KLF17: variants seen among roughly 807,000 people sequenced by gnomAD.
The protein encoded by KLF17 is Krueppel-like factor 17.
A neutral mutation model predicts 34.2 loss-of-function variants in KLF17; 31 were observed. The ratio of observed to expected loss-of-function variants is 0.91; its 90% CI spans 0.68 to 1.22. KLF17 has a LOEUF of 1.22. Among genes scored for constraint, KLF17 ranks in the 50% most tolerant of loss-of-function variants. The pLI is 0.00. For synonymous variants in KLF17, 179 were observed against 186.7 expected, an observed-to-expected ratio of 0.96 and a Z score of 0.34; for missense variants, 478 against 505.2, an observed-to-expected ratio of 0.95 and a Z score of 0.52.
the KLF17 span, among the ~76,000 whole-genome samples, chr1:44,080,871 T>C: frequency 6.6e-6 from 1 of 151,610 alleles, no homozygotes; most frequent in African/African-American, 2.4e-5. Flanking sequence ...TGTGCCACCA[T>C]GCGTGGCTAA....
At chr1:44,079,926 CT>C in the KLF17 span, among the ~76,000 whole-genome samples, 164 of 144,512 alleles carry the variant, frequency 1.1e-3, 1 homozygote, top group Middle Eastern at 3.6e-3. Context: ...CCCTCCATGT[CT>C]TTTTTTTTTT....
chr1:44,132,606 A>G (rs2088124779), intron 3 of KLF17, among the ~76,000 whole-genome samples: 1 of 152,142 alleles, frequency 6.6e-6, no homozygotes, highest in Non-Finnish European at 1.5e-5. Flanking sequence ...CACCTCTCCA[A>G]ATAAAACACC....
chr1:44,089,130 G>A, the KLF17 span, among the ~76,000 whole-genome samples: 3 of 152,118 alleles, frequency 2.0e-5, no homozygotes, highest in Admixed American at 1.3e-4. Context: ...AGGGCAATAA[G>A]GCAGGGGTAC....
chr1:44,106,393 A>T, the KLF17 span: 1 of 152,346 alleles, frequency 6.6e-6, no homozygotes, highest in African/African-American at 2.4e-5. Flanking sequence ...CTCCAGGTGA[A>T]TCCCAACTCC....
At chr1:44,045,964 T>C in the KLF17 span, 1 of 152,062 alleles carries the variant, frequency 6.6e-6, no homozygotes, top group South Asian at 2.1e-4. Flanking sequence ...ATCTGTGCCC[T>C]CCAGACCCTC....
At chr1:44,124,983 C>T (rs1288747563) in intron 1 of KLF17, among the ~76,000 whole-genome samples, 1 of 152,172 alleles carries the variant, frequency 6.6e-6, no homozygotes, top group Non-Finnish European at 1.5e-5. Flanking sequence ...CATTTTTATG[C>T]ATCGTATGTC....
chr1:44,127,206 G>A (rs1034145629), intron 1 of KLF17, among the ~76,000 whole-genome samples: 17 of 152,018 alleles, frequency 1.1e-4, no homozygotes, highest in African/African-American at 4.1e-4. Flanking sequence ...ACTGTGCCTA[G>A]CAATACTAAC....
chr1:44,091,967 T>A, the KLF17 span, among the ~76,000 whole-genome samples: 17,209 of 114,464 alleles, frequency 0.15, 1,622 homozygotes, highest in South Asian at 0.28. Flanking sequence ...ACACACTCTC[T>A]CTCTCTCTCT....
the KLF17 span, among the ~76,000 whole-genome samples, chr1:44,099,910 A>C: frequency 7.7e-5 from 5 of 64,966 alleles, no homozygotes; most frequent in African/African-American, 2.6e-4. Flanking sequence ...AGAAAGAAAG[A>C]AAGAAAGAAA....
chr1:44,125,876 G>A (rs2088001371), intron 1 of KLF17, among the ~76,000 whole-genome samples: 1 of 152,156 alleles, frequency 6.6e-6, no homozygotes, highest in South Asian at 2.1e-4. Context: ...TCTCTTCAGT[G>A]GGAAGGGGAG....
chr1:44,104,077 G>T, the KLF17 span: 21 of 913,490 alleles, frequency 2.3e-5, no homozygotes, highest in Non-Finnish European at 3.7e-5. Context: ...TGCAGCTCCC[G>T]GATCTTCTCT....
At chr1:44,080,339 C>A in the KLF17 span, among the ~76,000 whole-genome samples, 1 of 149,738 alleles carries the variant, frequency 6.7e-6, no homozygotes, top group Non-Finnish European at 1.5e-5. Flanking sequence ...CCCGGGTTCA[C>A]ACCGTTCTCC....
At chr1:44,127,378 C>T (rs1307098220) in intron 1 of KLF17, among the ~76,000 whole-genome samples, 1 of 152,078 alleles carries the variant, frequency 6.6e-6, no homozygotes, top group East Asian at 1.9e-4. Flanking sequence ...TTATCTTTCC[C>T]CATTCCCTAC....
Position 44,130,037 on chromosome 1 carries a change from G to A in KLF17, c.766G>A (p.Gly256Arg), listed in dbSNP as rs200292026. The change falls in exon 2 of 4, where the codon GGA becomes AGA. Residue 256 changes from glycine to arginine, a missense_variant. By Grantham distance (125) the Gly-to-Arg change is moderately radical. Coordinates refer to ENST00000372299, the MANE Select transcript of KLF17 (RefSeq NM_173484.4). Reference protein sequence around the residue: ...QEGPFLPEQPGPAPQTVEKNS... With the variant: ...QEGPFLPEQPRPAPQTVEKNS... Reference sequence around the variant, plus strand: ...AGGCCCATTTCTACCAGAGCAGCCCGGACCTGCTCCACAGACAGTAGAGAA... The same window carrying A: ...AGGCCCATTTCTACCAGAGCAGCCCAGACCTGCTCCACAGACAGTAGAGAA... 208 of 1,614,056 alleles carry A rather than the reference G, an allele frequency of 1.3e-4. No individual in the cohort carries two copies. Among genetic ancestry groups the A allele is most frequent in the Non-Finnish European group, 6.6e-5 (78 of 1,180,050 alleles).
the KLF17 span, among the ~76,000 whole-genome samples, chr1:44,063,618 A>C: frequency 6.6e-6 from 1 of 152,202 alleles, no homozygotes; most frequent in Non-Finnish European, 1.5e-5. Flanking sequence ...TAAAATAATC[A>C]CTTGGATATA....
chr1:44,099,174 C>T, the KLF17 span, among the ~76,000 whole-genome samples: 1 of 151,878 alleles, frequency 6.6e-6, no homozygotes, highest in East Asian at 1.9e-4. Flanking sequence ...GAGACTGAGG[C>T]TGGAGGATTG....
the KLF17 span, chr1:44,106,971 C>A: frequency 2.0e-5 from 3 of 152,086 alleles, no homozygotes; most frequent in African/African-American, 4.8e-5. Context: ...AAGAAAGGAG[C>A]TTGAAATGGA....
the KLF17 span, among the ~76,000 whole-genome samples, chr1:44,078,434 C>CTTTTTTTT: frequency 1.6e-5 from 2 of 122,034 alleles, 1 homozygote; most frequent in Non-Finnish European, 3.5e-5. Flanking sequence ...GCTTTTCCTT[C>CTTTTTTTT]TTCTTTTTTT....
At chr1:44,127,680 TTC>T (rs769107789) in intron 1 of KLF17, among the ~76,000 whole-genome samples, 6,976 of 47,916 alleles carry the variant, frequency 0.15, 210 homozygotes, top group South Asian at 0.2. Context: ...CTTTCTTTCT[TTC>T]TTTCTTTCTT....
Sources: allele counts gnomAD v4.1 joint callset (sites outside exome capture counted in the v4.1 genomes callset), GRCh38; gene constraint gnomAD v4.1.1; transcripts MANE v1.5; gene names NCBI Gene and HGNC (gene_info 2026-07-23, HGNC 2026-07-21).